MSI2: variants seen among roughly 807,000 people sequenced by gnomAD.
The protein encoded by MSI2 is musashi RNA binding protein 2, also known as RNA-binding protein Musashi homolog 2.
In MSI2, 17 loss-of-function variants were observed where a neutral mutation model predicts 45.6. The ratio of observed to expected loss-of-function variants is 0.37; its 90% CI spans 0.26 to 0.56. The LOEUF is 0.56. Ranked by LOEUF, MSI2 falls within the 20% of genes least tolerant of loss-of-function variation. The pLI is 0.77. For synonymous variants in MSI2, 156 were observed against 158.2 expected (o/e 0.99, Z 0.11); for missense variants, 293 against 444.2 (o/e 0.66, Z 3.06).
chr17:57,359,490 A>G (rs1332912855), intron 5 of MSI2, among the ~76,000 whole-genome samples: 10 of 152,120 alleles, frequency 6.6e-5, no homozygotes, highest in Non-Finnish European at 1.2e-4. Flanking sequence ...TTCAACTATA[A>G]AATGGATGTC....
intron 6 of MSI2, chr17:57,448,412 A>T (rs1323658706): frequency 6.6e-6 from 1 of 152,274 alleles, no homozygotes; most frequent in Non-Finnish European, 1.5e-5. Context: ...AGGCAAAATG[A>T]ACAGGAAGAT....
At chr17:57,654,299 T>C (rs1228497413) in intron 11 of MSI2, among the ~76,000 whole-genome samples, 1 of 152,230 alleles carries the variant, frequency 6.6e-6, no homozygotes, top group Non-Finnish European at 1.5e-5. Context: ...CTTGCCTGTG[T>C]GTAGCCAGGC....
chr17:57,632,900 T>A, intron 10 of MSI2: 6 of 1,061,138 alleles, frequency 5.7e-6, no homozygotes, highest in Non-Finnish European at 6.8e-6. Context: ...ATGCTTGATG[T>A]AATAATTGGT....
intron 5 of MSI2, among the ~76,000 whole-genome samples, chr17:57,391,169 C>CA (rs2083783764): frequency 6.6e-6 from 1 of 152,126 alleles, no homozygotes; most frequent in Admixed American, 6.5e-5. Context: ...TGAGCACAGC[C>CA]GGTGTGAAGA....
chr17:57,278,502 C>A (rs145005294), intron 5 of MSI2: 1 of 152,208 alleles, frequency 6.6e-6, no homozygotes, highest in African/African-American at 2.4e-5. Flanking sequence ...CTGGTACTAT[C>A]TGAATTTAAA....
chr17:57,257,441 CAT>C, intron 2 of MSI2, 23 bp from the exon 3 acceptor site: 2 of 1,228,530 alleles, frequency 1.6e-6, no homozygotes, highest in Non-Finnish European at 2.3e-6. Context: ...CTCCCCCCCC[CAT>C]CTCTCTCTTT....
intron 5 of MSI2, among the ~76,000 whole-genome samples, chr17:57,309,206 A>G (rs1390365070): frequency 6.6e-6 from 1 of 152,240 alleles, no homozygotes; most frequent in Non-Finnish European, 1.5e-5. Flanking sequence ...TCTATAGATC[A>G]TCTATTCTAC....
rs367600517 is a variant in MSI2 at position 57,682,884 on chromosome 17, C to T, written c.*3367C>T. On this transcript the variant is annotated 3_prime_UTR_variant, in exon 14 of 14. Coordinates refer to ENST00000284073, the MANE Select transcript of MSI2 (RefSeq NM_138962.4). The stretch of plus-strand genomic sequence containing the variant: ...GAGGCGAGTGAGTGGCATTAGCTCC[C>T]GGACCCATTCCCGGTCCTAGCTGGG... The T allele has an allele frequency of 9.9e-4, 224 of 225,856 alleles. No homozygotes were observed. Among genetic ancestry groups the T allele is most frequent in the African/African-American group, 4.6e-3 (207 of 44,974 alleles). 14.0% of individuals were successfully genotyped at this position (225,856 alleles called of 1,614,324 possible).
At chr17:57,363,065 A>G (rs989615955) in intron 5 of MSI2, among the ~76,000 whole-genome samples, 13 of 152,242 alleles carry the variant, frequency 8.5e-5, no homozygotes, top group African/African-American at 3.1e-4. Flanking sequence ...GTATACCCAC[A>G]TACATTGCAG....
chr17:57,271,003 G>A (rs554684828), intron 5 of MSI2, among the ~76,000 whole-genome samples: 1 of 152,234 alleles, frequency 6.6e-6, no homozygotes, highest in African/African-American at 2.4e-5. Context: ...TTCCTTTTCC[G>A]TATCTGATGC....
intron 5 of MSI2, chr17:57,263,371 G>A (rs1907496156): frequency 6.6e-6 from 1 of 152,024 alleles, no homozygotes; most frequent in African/African-American, 2.4e-5. Flanking sequence ...TTTTTGTAAT[G>A]CTTAAGCAAA....
At chr17:57,500,632 TG>T (rs1393837527) in intron 6 of MSI2, among the ~76,000 whole-genome samples, 1 of 151,782 alleles carries the variant, frequency 6.6e-6, no homozygotes, top group African/African-American at 2.4e-5. Context: ...CTGTCTCTTC[TG>T]AAGGTCAGGG....
chr17:57,571,060 C>T (rs2087864279), intron 7 of MSI2, among the ~76,000 whole-genome samples: 1 of 152,194 alleles, frequency 6.6e-6, no homozygotes, highest in South Asian at 2.1e-4. Flanking sequence ...CCATAATTGG[C>T]CGCCTTGTTG....
At chr17:57,438,308 G>T (rs998006992) in intron 6 of MSI2, among the ~76,000 whole-genome samples, 2 of 152,158 alleles carry the variant, frequency 1.3e-5, no homozygotes, top group African/African-American at 4.8e-5. Flanking sequence ...CCCCCCAGGG[G>T]GAGTTCAGTA....
intron 6 of MSI2, among the ~76,000 whole-genome samples, chr17:57,420,163 G>A (rs1285393108): frequency 6.6e-6 from 1 of 152,162 alleles, no homozygotes; most frequent in Non-Finnish European, 1.5e-5. Flanking sequence ...GCACCTCTAG[G>A]GTCCAGGACG....
At chr17:57,329,563 T>G (rs573408101) in intron 5 of MSI2, among the ~76,000 whole-genome samples, 2 of 152,284 alleles carry the variant, frequency 1.3e-5, no homozygotes, top group East Asian at 3.9e-4. Flanking sequence ...AGGATGTAAC[T>G]GTGGGTGTTT....
At chr17:57,648,885 T>G (rs138037304) in intron 10 of MSI2, among the ~76,000 whole-genome samples, 55 of 152,270 alleles carry the variant, frequency 3.6e-4, no homozygotes, top group African/African-American at 1.3e-3. Context: ...GGGAAAATGC[T>G]GAAGACAGTG....
intron 4 of MSI2, among the ~76,000 whole-genome samples, chr17:57,259,336 C>T (rs1644670315): frequency 6.6e-6 from 1 of 152,168 alleles, no homozygotes; most frequent in African/African-American, 2.4e-5. Context: ...TACTTCCATC[C>T]GCCTCTTATG....
At chr17:57,469,928 C>G (rs1205066924) in intron 6 of MSI2, among the ~76,000 whole-genome samples, 1 of 152,254 alleles carries the variant, frequency 6.6e-6, no homozygotes, top group Non-Finnish European at 1.5e-5. Context: ...TTCTCCAGCA[C>G]TAACCCTCTT....
Sources: gnomAD v4.1 joint callset for allele counts (sites outside exome capture counted in the v4.1 genomes callset) on GRCh38, gnomAD v4.1.1 for gene constraint, MANE v1.5 for transcripts, NCBI Gene and HGNC (gene_info 2026-07-23, HGNC 2026-07-21) for gene names.